DHRS2: variants seen among roughly 807,000 people sequenced by gnomAD.
DHRS2 encodes dehydrogenase/reductase 2.
A neutral mutation model predicts 26.3 loss-of-function variants in DHRS2; 29 were observed. That is an observed-to-expected ratio of 1.10 (90% confidence interval 0.82 to 1.50). DHRS2 has a LOEUF of 1.50. DHRS2 is among the 40% of genes most tolerant of loss of function. DHRS2 has a pLI of 0.00. For missense variants in DHRS2, 439 were observed against 367.1 expected (o/e 1.20, Z -1.60); for synonymous variants, 164 against 151.3 (o/e 1.08, Z -0.62).
intron 4 of DHRS2, chr14:23,641,676 G>T (rs1009035049): frequency 2.9e-5 from 37 of 1,289,690 alleles, no homozygotes; most frequent in Non-Finnish European, 3.7e-5. Context: ...GGACCTCAGG[G>T]TGGTACCCAC....
chr14:23,638,997 A>G lies in DHRS2; in HGVS notation c.133A>G (p.Thr45Ala). 3.7e-6 allele frequency: 6 copies of G among 1,613,056 alleles called. No homozygotes were observed. The highest frequency in any genetic ancestry group is 4.2e-6 in the Non-Finnish European group (5 of 1,179,954). ...ANRVAVVTGS[T>A]SGIGFAIARR... ...CCGGGTAGCCGTGGTCACGGGGTCC[A>G]CCAGTGGGTGAGTGCTGGATTGCCC... The change falls in exon 2 of 9, where the codon ACC becomes GCC. Residue 45 changes from threonine to alanine, a missense_variant. Transcript: ENST00000250383.
At chr14:23,643,087 T>C (rs1890733063) in intron 4 of DHRS2, 65 bp from the exon 5 acceptor site, 1 of 1,542,216 alleles carries the variant, frequency 6.5e-7, no homozygotes, top group Non-Finnish European at 9.0e-7. Flanking sequence ...CCAAGTGTCT[T>C]ATGAGAGCAG....
At chr14:23,643,914 G>A in intron 5 of DHRS2, 197 bp from the exon 6 acceptor site, 1 of 607,546 alleles carries the variant, frequency 1.6e-6, no homozygotes, top group Non-Finnish European at 3.0e-6. Flanking sequence ...TGAGAAATAG[G>A]CATGGAATCC....
upstream of DHRS2, among the ~76,000 whole-genome samples, chr14:23,633,648 C>G (rs1056816295): frequency 2.0e-5 from 3 of 152,108 alleles, no homozygotes; most frequent in Non-Finnish European, 2.9e-5. Context: ...AGCCTGTGTT[C>G]AAGGAACTCA....
rs752223169 is a variant in DHRS2, at chr14:23,644,126, C to T, written c.504C>T (p.Ile168=). The change falls in exon 6 of 9, where the codon ATC becomes ATT. Residue 168 remains isoleucine (I), a synonymous_variant. Coordinates refer to ENST00000250383, the MANE Select transcript of DHRS2 (RefSeq NM_005794.4). ...PYMENRRGAV[I]LVSSIAAYNP... is the part of the protein sequence containing the mutation. ...CTTGTCTCAGGAGGGGTGCTGTCAT[C>T]CTGGTCTCTTCCATTGCAGCTTATA... 5.6e-6 allele frequency: 9 copies of T among 1,614,108 alleles called. No individual in the cohort carries two copies. The South Asian group carries it at 8.8e-5, about 16-fold the overall frequency.
chr14:23,645,010 C>T (rs1486985689), intron 8 of DHRS2, 128 bp downstream of exon 8: 1 of 1,558,694 alleles, frequency 6.4e-7, no homozygotes, highest in East Asian at 2.2e-5. Context: ...CCACATGGCC[C>T]TGGAGGGTGC....
intron 1 of DHRS2, chr14:23,638,590 A>G: frequency 2.6e-6 from 1 of 389,934 alleles, no homozygotes; most frequent in South Asian, 2.9e-5. Flanking sequence ...ACCCTTGTCT[A>G]ATGAATGTTG....
intron 4 of DHRS2, chr14:23,640,489 A>G (rs1362865873): frequency 1.0e-6 from 1 of 961,690 alleles, no homozygotes; most frequent in East Asian, 1.1e-4. Context: ...GAGACCTTGT[A>G]AAATGCCTTG....
intron 4 of DHRS2, chr14:23,642,456 G>A (rs1022812611): frequency 6.5e-6 from 1 of 152,672 alleles, no homozygotes; most frequent in Non-Finnish European, 1.5e-5. Flanking sequence ...GCAAATGAAA[G>A]CTCAGAGAGA....
At chr14:23,630,433 A>G (rs1410345157) in intron 1 of DHRS2, among the ~76,000 whole-genome samples, 1 of 152,234 alleles carries the variant, frequency 6.6e-6, no homozygotes, top group Non-Finnish European at 1.5e-5. Context: ...GATTATCAAT[A>G]CAAAGCTCTT....
chr14:23,638,000 C>A (rs1890420932), intron 1 of DHRS2: 1 of 152,194 alleles, frequency 6.6e-6, no homozygotes, highest in Non-Finnish European at 1.5e-5. Context: ...AAGTTTTGTT[C>A]TTTCGCTCTT....
At chr14:23,640,847 C>T (rs1566702496) in intron 4 of DHRS2, 1 of 152,264 alleles carries the variant, frequency 6.6e-6, no homozygotes, top group African/African-American at 2.4e-5. Context: ...GGCTCTTTAG[C>T]TATGTTGTTA....
intron 1 of DHRS2, chr14:23,638,243 T>G (rs544391055): frequency 6.6e-6 from 1 of 150,988 alleles, no homozygotes; most frequent in South Asian, 2.0e-4. Flanking sequence ...CCAGGAGGAA[T>G]GAACAACTCC....
rs769267257 is a variant in DHRS2, at chr14:23,643,123, C to A, written c.421-29C>A. ...GACTTGGGCTGACCATGTCTCTCTG[C>A]CCTCACCCATGCTCTGCTCTGATTT... On this transcript the variant is annotated intron_variant, in intron 4 of 8. Coordinates refer to ENST00000250383, the MANE Select transcript of DHRS2 (RefSeq NM_005794.4). 1.1e-5 allele frequency: 17 copies of A among 1,612,368 alleles called. No individual in the cohort carries two copies. The Admixed American group carries it at 2.8e-4, about 27-fold the overall frequency.
chr14:23,638,646 T>C (rs1221149567), intron 1 of DHRS2, 181 bp from the exon 2 acceptor site: 4 of 562,084 alleles, frequency 7.1e-6, no homozygotes, highest in Non-Finnish European at 1.2e-5. Context: ...TTTTATAGCT[T>C]AGGAGTTTTC....
Position 23,644,866 on chromosome 14 carries a change from C to T in DHRS2, c.715C>T (p.His239Tyr), listed in dbSNP as rs1211509309. The T allele has an allele frequency of 1.2e-6, 2 of 1,614,210 alleles. No individual in the cohort carries two copies. The highest frequency in any genetic ancestry group is 8.5e-7 in the Non-Finnish European group (1 of 1,180,042). The change falls in exon 8 of 9, where the codon CAT becomes TAT. Residue 239 changes from histidine to tyrosine, a missense_variant. Physicochemically the swap from His to Tyr is moderately conservative, Grantham distance 83. Coordinates refer to ENST00000250383, the MANE Select transcript of DHRS2 (RefSeq NM_005794.4). ...NESLWKNFKEHHQLQRIGESE... is the reference protein window; with the variant it reads ...NESLWKNFKEYHQLQRIGESE... ...GTCTCTCTGGAAGAACTTCAAGGAA[C>T]ATCATCAGCTGCAGAGGCAAGTGGG...
chr14:23,638,886 G>T lies in DHRS2; in HGVS notation c.22G>T (p.Gly8Cys). The T allele has an allele frequency of 6.2e-7, 1 of 1,614,114 alleles. No individual in the cohort carries two copies. Among genetic ancestry groups the T allele is most frequent in the Non-Finnish European group, 8.5e-7 (1 of 1,179,986 alleles). ...CACTATGCTGTCAGCAGTTGCCCGGGGCTACCAGGGCTGGTTTCATCCCTG... is the reference window on the plus strand; with the variant it reads ...CACTATGCTGTCAGCAGTTGCCCGGTGCTACCAGGGCTGGTTTCATCCCTG... The part of the protein sequence containing the change: MLSAVAR[G>C]YQGWFHPCAR... Residue 8 changes from glycine (G) to cysteine (C), a missense_variant, in exon 2 of 9, where the codon GGC becomes TGC. Transcript: ENST00000250383.
rs1320973034 is a variant in DHRS2 at position 23,636,498 on chromosome 14, C to T, written c.-313C>T. 3.9e-5 allele frequency: 6 copies of T among 152,270 alleles called. No individual in the cohort carries two copies. The East Asian group carries it at 5.8e-4, about 15-fold the overall frequency. 9.4% of individuals were successfully genotyped at this position (152,270 alleles called of 1,614,324 possible). ...TAACACTCACCGCGAAGGTCTGCAA[C>T]TTCACTCCTGGGGCCAGCAAGACCA... On this transcript the variant is annotated 5_prime_UTR_variant, in exon 1 of 9. Transcript: ENST00000250383.
At position 23,645,225 on chromosome 14, in the gene DHRS2, C is replaced by T. The variant is rs148991912; in HGVS notation, c.815C>T (p.Ala272Val). The T allele has an allele frequency of 5.5e-5, 89 of 1,614,122 alleles. No individual in the cohort carries two copies. Among genetic ancestry groups the T allele is most frequent in the Admixed American group, 1.5e-4 (9 of 60,024 alleles). ...DASYVNGENI[A>V]VAGYSTRL ...AGCTACGTCAACGGGGAGAACATTGCGGTGGCAGGCTACTCCACTCGGCTC... is the reference window on the plus strand; with the variant it reads ...AGCTACGTCAACGGGGAGAACATTGTGGTGGCAGGCTACTCCACTCGGCTC... The change falls in exon 9 of 9, where the codon GCG becomes GTG. Residue 272 changes from alanine to valine, a missense_variant. Transcript: ENST00000250383.
Sources: allele counts gnomAD v4.1 joint callset (sites outside exome capture counted in the v4.1 genomes callset), GRCh38; gene constraint gnomAD v4.1.1; transcripts MANE v1.5; gene names NCBI Gene and HGNC (gene_info 2026-07-23, HGNC 2026-07-21).